The following CNTN5 variants were observed in gnomAD, a reference collection of about 807,000 sequenced individuals.
CNTN5 encodes contactin 5.
In CNTN5, 77 loss-of-function variants were observed where a neutral mutation model predicts 129.1. That is an observed-to-expected ratio of 0.60 (90% CI 0.50 to 0.72). The LOEUF is 0.72. Among genes scored for constraint, CNTN5 ranks in the 30% least tolerant of loss-of-function variants. The probability of loss-of-function intolerance (pLI) is 0.00; values close to 1 mark genes in which losing one functional copy is unlikely to be tolerated. For missense variants in CNTN5, 1,478 were observed against 1,328.8 expected (o/e 1.11, Z -1.75); for synonymous variants, 509 against 465.6 (o/e 1.09, Z -1.20).
At position 99,205,961 on chromosome 11, in the gene CNTN5, A is replaced by G. The variant is rs574176002; in HGVS notation, c.-209-119385A>G. ...GTGATAGACTATATGACTTGAAATT[A>G]GTCTTGATCCTCACTTCTGACCTGC... On this transcript the variant is annotated intron_variant, in intron 1 of 24. Coordinates refer to ENST00000524871, the MANE Select transcript of CNTN5 (RefSeq NM_014361.4). Among the ~76,000 whole-genome samples, 7 of 152,172 alleles carry G rather than the reference A, an allele frequency of 4.6e-5. No homozygotes were observed. In the East Asian group the frequency reaches 1.4e-3, roughly 29 times the overall value.
chr11:99,301,876 G>T (rs1296996047), intron 1 of CNTN5, among the ~76,000 whole-genome samples: 1 of 151,624 alleles, frequency 6.6e-6, no homozygotes, highest in Non-Finnish European at 1.5e-5. Flanking sequence ...AGCATGTAAA[G>T]TATGGACTCA....
At chr11:100,103,721 T>C (rs1482073550) in intron 13 of CNTN5, among the ~76,000 whole-genome samples, 4 of 152,186 alleles carry the variant, frequency 2.6e-5, no homozygotes, top group Non-Finnish European at 5.9e-5. Flanking sequence ...ACTTAAAGTT[T>C]ACTTACCAGT....
intron 4 of CNTN5, among the ~76,000 whole-genome samples, chr11:99,836,137 T>C (rs1220004051): frequency 6.6e-6 from 1 of 151,724 alleles, no homozygotes; most frequent in African/African-American, 2.4e-5. Flanking sequence ...TTTTTTTTTT[T>C]TAATTTTTCT....
At chr11:99,724,722 T>C (rs1341942746) in intron 3 of CNTN5, among the ~76,000 whole-genome samples, 2 of 152,122 alleles carry the variant, frequency 1.3e-5, no homozygotes, top group African/African-American at 4.8e-5. Flanking sequence ...TAAATATTGG[T>C]TGAATTCAGG....
chr11:99,181,348 G>T (rs1484733650), intron 1 of CNTN5, among the ~76,000 whole-genome samples: 1 of 152,180 alleles, frequency 6.6e-6, no homozygotes, highest in Non-Finnish European at 1.5e-5. Context: ...CAAAGGTGCT[G>T]TGTCTCATTT....
At chr11:99,031,942 G>A in intron 1 of CNTN5, among the ~76,000 whole-genome samples, 1 of 114,652 alleles carries the variant, frequency 8.7e-6, no homozygotes, top group African/African-American at 3.6e-5. Flanking sequence ...ACAGTCCCCA[G>A]AGTGTGATGT....
chr11:99,801,207 T>A (rs1946104373), intron 3 of CNTN5, among the ~76,000 whole-genome samples: 1 of 152,214 alleles, frequency 6.6e-6, no homozygotes, highest in Non-Finnish European at 1.5e-5. Context: ...TTTGGTGAGA[T>A]ATGAAATTCT....
intron 3 of CNTN5, among the ~76,000 whole-genome samples, chr11:99,747,012 A>G (rs1335202891): frequency 6.6e-6 from 1 of 152,232 alleles, no homozygotes; most frequent in Admixed American, 6.5e-5. Context: ...AGTTTTGGAT[A>G]GTACAGACAT....
intron 13 of CNTN5, among the ~76,000 whole-genome samples, chr11:100,166,017 T>A (rs1947620853): frequency 6.6e-6 from 1 of 151,718 alleles, no homozygotes; most frequent in South Asian, 2.1e-4. Context: ...AGTAGTTTTC[T>A]CTGTTCCAGT....
At chr11:99,421,839 T>C (rs1565568515) in intron 2 of CNTN5, among the ~76,000 whole-genome samples, 1 of 152,130 alleles carries the variant, frequency 6.6e-6, no homozygotes, top group African/African-American at 2.4e-5. Flanking sequence ...TTTGGAAATA[T>C]GGCTTTTACT....
At chr11:99,580,963 G>A (rs1310776054) in intron 3 of CNTN5, among the ~76,000 whole-genome samples, 2 of 145,442 alleles carry the variant, frequency 1.4e-5, no homozygotes, top group Non-Finnish European at 3.0e-5. Flanking sequence ...TCTCTTGTGG[G>A]CATTTAGTGC....
intron 2 of CNTN5, among the ~76,000 whole-genome samples, chr11:99,351,613 C>CA (rs1938304882): frequency 6.6e-6 from 1 of 152,096 alleles, no homozygotes; most frequent in Non-Finnish European, 1.5e-5. Flanking sequence ...AAAACACAAA[C>CA]ATAAGATTCC....
intron 21 of CNTN5, among the ~76,000 whole-genome samples, chr11:100,324,133 A>G (rs866917928): frequency 1.3e-5 from 2 of 152,188 alleles, no homozygotes; most frequent in South Asian, 4.1e-4. Flanking sequence ...GAGGACTGCA[A>G]CCCAGGAGTA....
intron 3 of CNTN5, among the ~76,000 whole-genome samples, chr11:99,644,508 C>T (rs931702403): frequency 3.9e-5 from 6 of 152,020 alleles, no homozygotes; most frequent in Non-Finnish European, 8.8e-5. Context: ...ATGGGCAAAA[C>T]GATGTTCTCA....
At chr11:99,801,020 G>C (rs145924891) in intron 3 of CNTN5, among the ~76,000 whole-genome samples, 1 of 152,250 alleles carries the variant, frequency 6.6e-6, no homozygotes, top group East Asian at 1.9e-4. Context: ...TATAGTTTCT[G>C]TGGGTTATGT....
chr11:99,893,526 C>A (rs367669624), intron 6 of CNTN5, among the ~76,000 whole-genome samples: 1 of 152,168 alleles, frequency 6.6e-6, no homozygotes, highest in Non-Finnish European at 1.5e-5. Flanking sequence ...GACAGGATTT[C>A]AGACACAGAA....
At chr11:99,780,369 G>T (rs1416873928) in intron 3 of CNTN5, among the ~76,000 whole-genome samples, 3 of 152,054 alleles carry the variant, frequency 2.0e-5, no homozygotes, top group Non-Finnish European at 4.4e-5. Context: ...CAGTATAGAA[G>T]ATTAGAAATT....
At chr11:99,140,600 G>A (rs1234377780) in intron 1 of CNTN5, among the ~76,000 whole-genome samples, 1 of 152,052 alleles carries the variant, frequency 6.6e-6, no homozygotes, top group African/African-American at 2.4e-5. Context: ...TCCAGGATGT[G>A]TCCATTCAGT....
At chr11:99,082,252 G>T (rs961076810) in intron 1 of CNTN5, among the ~76,000 whole-genome samples, 1 of 148,184 alleles carries the variant, frequency 6.7e-6, no homozygotes, top group Non-Finnish European at 1.5e-5. Context: ...GTGGCGTGAT[G>T]TCTGCTCACT....
Sources: gnomAD v4.1 joint callset for allele counts (sites outside exome capture counted in the v4.1 genomes callset) on GRCh38, gnomAD v4.1.1 for gene constraint, MANE v1.5 for transcripts, NCBI Gene and HGNC (gene_info 2026-07-23, HGNC 2026-07-21) for gene names.